Variants in OPHN1 observed in about 807,000 individuals in gnomAD.
OPHN1 encodes the protein oligophrenin-1.
In OPHN1, 11 loss-of-function variants were observed where a neutral mutation model predicts 60.7. The ratio of observed to expected loss-of-function variants is 0.18; its 90% confidence interval spans 0.11 to 0.30. OPHN1 has a LOEUF of 0.30. Among genes scored for constraint, OPHN1 ranks in the 10% least tolerant of loss-of-function variants. The pLI is 1.00. For synonymous variants in OPHN1, 226 were observed against 222.6 expected (o/e 1.02, Z -0.14); for missense variants, 449 against 611.0 (o/e 0.73, Z 2.80).
intron 15 of OPHN1, among the ~76,000 whole-genome samples, chrX:68,152,782 A>G (rs2077290804): frequency 9.0e-6 from 1 of 110,628 alleles, no homozygotes; most frequent in South Asian, 3.9e-4. Context: ...ATCTCCATCC[A>G]CTTCTAATCT....
chrX:68,133,053 TCG>T (rs2147464557), intron 15 of OPHN1: 1 of 502,104 alleles, frequency 2.0e-6, no homozygotes, highest in East Asian at 3.7e-5. Flanking sequence ...TCCGCCCCAC[TCG>T]GCAGCAAGCG....
At chrX:68,328,120 C>A (rs1461732340) in intron 2 of OPHN1, among the ~76,000 whole-genome samples, 3 of 94,889 alleles carry the variant, frequency 3.2e-5, no homozygotes, top group Non-Finnish European at 6.1e-5. Context: ...TGAGCCACCG[C>A]GCCCGGCCAA....
intron 2 of OPHN1, among the ~76,000 whole-genome samples, chrX:68,378,833 T>A (rs1602368471): frequency 8.9e-6 from 1 of 111,863 alleles, no homozygotes; most frequent in African/African-American, 3.3e-5. Context: ...TTGGTTACTG[T>A]AGCCTTGTAG....
chrX:68,426,956 G>T (rs1350715667), intron 2 of OPHN1, among the ~76,000 whole-genome samples: 2 of 104,122 alleles, frequency 1.9e-5, no homozygotes, highest in Admixed American at 2.1e-4. Context: ...AGGGTATTTA[G>T]AAATTCTCTT....
At chrX:68,213,370 A>T (rs1376193401) in intron 7 of OPHN1, among the ~76,000 whole-genome samples, 1 of 110,639 alleles carries the variant, frequency 9.0e-6, no homozygotes, top group Non-Finnish European at 1.9e-5. Flanking sequence ...AAACAAATAT[A>T]TGGAAATGGA....
At chrX:68,053,922 C>A in intron 21 of OPHN1, 112 bp from the exon 22 acceptor site, 4 of 737,162 alleles carry the variant, frequency 5.4e-6, no homozygotes, top group African/African-American at 4.5e-5. Context: ...GCCTCCATTT[C>A]TTCTTGGTGA....
chrX:68,432,163 C>A (rs1194905422), intron 2 of OPHN1, among the ~76,000 whole-genome samples: 1 of 110,960 alleles, frequency 9.0e-6, no homozygotes, highest in Non-Finnish European at 1.9e-5. Context: ...TTCAGCCCAG[C>A]AGCCCCCAAC....
intron 21 of OPHN1, 138 bp from the exon 22 acceptor site, chrX:68,053,948 ATTTT>A: frequency 4.3e-6 from 2 of 463,802 alleles, no homozygotes; most frequent in Non-Finnish European, 6.8e-6. Flanking sequence ...AACTCTGGCT[ATTTT>A]TTTTTTTTTT....
intron 5 of OPHN1, among the ~76,000 whole-genome samples, chrX:68,262,158 C>A (rs1446028343): frequency 4.5e-5 from 5 of 111,699 alleles, no homozygotes; most frequent in African/African-American, 1.6e-4. Context: ...GAGCAATGAT[C>A]TCCTGTATTC....
At chrX:68,070,568 G>T (rs111739868) in intron 20 of OPHN1, 26 of 645,338 alleles carry the variant, frequency 4.0e-5, no homozygotes, top group African/African-American at 1.5e-4. Context: ...TACTGTCCAG[G>T]AGCTCTAAAC....
Position 68,154,767 on chromosome X carries a change from G to T in OPHN1, c.1277-35435C>A, listed in dbSNP as rs141663150. Among the ~76,000 whole-genome samples the T allele has an allele frequency of 6.4e-4, 70 of 109,848 alleles. 1 individual carries two copies. The East Asian group carries it at 0.019, about 30-fold the overall frequency. On this transcript the variant is annotated intron_variant, in intron 15 of 24. Coordinates refer to ENST00000355520, the MANE Select transcript of OPHN1 (RefSeq NM_002547.3). ...TTCTGTGAAAGGTCAGAGGTTACAG[G>T]TATTTAAAATTGTAATACTGTTATC...
At chrX:68,134,130 G>A (rs887327529) in intron 15 of OPHN1, among the ~76,000 whole-genome samples, 17 of 109,998 alleles carry the variant, frequency 1.5e-4, no homozygotes, top group South Asian at 7.9e-4. Flanking sequence ...AGCCAAGATC[G>A]CGCCATTGTA....
At chrX:68,194,414 G>C (rs751591052) in intron 13 of OPHN1, 51 bp downstream of exon 13, 18 of 1,039,754 alleles carry the variant, frequency 1.7e-5, no homozygotes, top group Middle Eastern at 5.0e-4. Flanking sequence ...ACTATGAATC[G>C]GACAGCTGGC....
Position 68,048,431 on chromosome X carries a change from T to C in OPHN1, c.2402A>G (p.Glu801Gly). ...GSSQGRLPGD[E>G]S ...GACTGCATACCTGTAGCCTCAACTT[T>C]CATCTCCAGGAAGTCTGCCTTGAGA... The change falls in exon 24 of 25, where the codon GAA (glutamate) becomes GGA (glycine). Residue 801 changes from glutamate (E) to glycine (G), a missense_variant. This residue lies in a region of OPHN1 where 184 missense variants were observed against 160.5 expected (regional missense o/e 1.15). Transcript: ENST00000355520. 4 of 1,210,426 alleles carry C rather than the reference T, an allele frequency of 3.3e-6. No homozygotes were observed. Among genetic ancestry groups the C allele is most frequent in the Non-Finnish European group, 4.5e-6 (4 of 894,388 alleles).
At chrX:68,192,102 G>T (rs1025827237) in intron 15 of OPHN1, among the ~76,000 whole-genome samples, 2 of 110,372 alleles carry the variant, frequency 1.8e-5, no homozygotes, top group Non-Finnish European at 3.8e-5. Context: ...TAAAAAAAAA[G>T]AAGTAAACCA....
intron 20 of OPHN1, among the ~76,000 whole-genome samples, chrX:68,069,298 G>A (rs1443267398): frequency 9.0e-6 from 1 of 111,455 alleles, no homozygotes; most frequent in Non-Finnish European, 1.9e-5. Context: ...CTATATGCCT[G>A]GCACTGTGCC....
intron 15 of OPHN1, among the ~76,000 whole-genome samples, chrX:68,134,003 C>T (rs1467678880): frequency 9.1e-6 from 1 of 109,726 alleles, no homozygotes; most frequent in African/African-American, 3.3e-5. Flanking sequence ...GGTGAAATCC[C>T]GTCTCTACTA....
At chrX:68,156,651 T>C (rs1569227886) in intron 15 of OPHN1, among the ~76,000 whole-genome samples, 1 of 111,718 alleles carries the variant, frequency 9.0e-6, no homozygotes, top group African/African-American at 3.3e-5. Flanking sequence ...TTTGATCTCC[T>C]ATCACTGCCT....
intron 5 of OPHN1, among the ~76,000 whole-genome samples, chrX:68,243,942 A>C (rs1385847386): frequency 1.8e-5 from 2 of 112,246 alleles, no homozygotes; most frequent in Non-Finnish European, 3.8e-5. Flanking sequence ...AGCTATTATT[A>C]TTATCAAAAA....
Sources: gnomAD v4.1 joint callset for allele counts (sites outside exome capture counted in the v4.1 genomes callset) on GRCh38, gnomAD v4.1.1 for gene constraint, gnomAD v4.1.1 regional missense constraint, MANE v1.5 for transcripts, NCBI Gene and HGNC (gene_info 2026-07-23, HGNC 2026-07-21) for gene names.